PLOD2: variants seen among roughly 807,000 people sequenced by gnomAD.
PLOD2 encodes the protein lysine hydroxylase 2.
A neutral mutation model predicts 101.0 loss-of-function variants in PLOD2; 65 were observed. That is an observed-to-expected ratio of 0.64 (90% CI 0.53 to 0.79). The LOEUF is 0.79. Ranked by LOEUF, PLOD2 falls within the 30% of genes least tolerant of loss-of-function variation. The probability of loss-of-function intolerance (pLI) is 0.00; values close to 1 mark genes in which losing one functional copy is unlikely to be tolerated. For synonymous variants in PLOD2, 314 were observed against 302.9 expected, an observed-to-expected ratio of 1.04 and a Z score of -0.38; for missense variants, 909 against 914.6, an observed-to-expected ratio of 0.99 and a Z score of 0.08.
At chr3:146,097,581 A>G (rs1401838488) in intron 7 of PLOD2, among the ~76,000 whole-genome samples, 21 of 114,450 alleles carry the variant, frequency 1.8e-4, no homozygotes, top group Non-Finnish European at 3.3e-4. Context: ...GTGCTTTGTT[A>G]AACAGATGCT....
At chr3:146,074,042 A>AAAC (rs1206677411) in intron 15 of PLOD2, among the ~76,000 whole-genome samples, 131 of 151,610 alleles carry the variant, frequency 8.6e-4, no homozygotes, top group African/African-American at 3.0e-3. Flanking sequence ...TTAGGGCTCT[A>AAAC]TATTAAAAAA....
At chr3:146,117,950 G>C (rs1413953475) in intron 3 of PLOD2, among the ~76,000 whole-genome samples, 3 of 151,856 alleles carry the variant, frequency 2.0e-5, no homozygotes, top group African/African-American at 7.3e-5. Context: ...GGAGGTGGGG[G>C]ATGGTGATGC....
At chr3:146,104,638 T>A (rs1262723010) in intron 5 of PLOD2, among the ~76,000 whole-genome samples, 1 of 152,138 alleles carries the variant, frequency 6.6e-6, no homozygotes, top group African/African-American at 2.4e-5. Context: ...TTATTAAATA[T>A]CAACTTATAT....
At chr3:146,113,425 G>A (rs1363570181) in intron 3 of PLOD2, among the ~76,000 whole-genome samples, 1 of 152,186 alleles carries the variant, frequency 6.6e-6, no homozygotes, top group Non-Finnish European at 1.5e-5. Context: ...ATGCACACAG[G>A]TGTTGCGGGA....
Position 146,102,804 on chromosome 3 carries a change from G to A in PLOD2, c.728C>T (p.Thr243Ile). Residue 243 changes from threonine to isoleucine, a missense_variant, in exon 7 of 20, where the codon ACA becomes ATA. Physicochemically the swap from Thr to Ile is moderately conservative, Grantham distance 89. Transcript: ENST00000282903. ...TGCCACTGGTAATGTTTCATAAAATGTATTCTTAGCTCTGGCTTTGCCATT... is the reference window on the plus strand; with the variant it reads ...TGCCACTGGTAATGTTTCATAAAATATATTCTTAGCTCTGGCTTTGCCATT... ...FENGKARAKN[T>I]FYETLPVAIN... is the part of the protein sequence containing the mutation. 1.2e-6 allele frequency: 2 copies of A among 1,606,742 alleles called. No homozygotes were observed. The highest frequency in any genetic ancestry group is 2.7e-5 in the African/African-American group (2 of 74,882).
At chr3:146,094,873 A>G (rs988078016) in intron 7 of PLOD2, among the ~76,000 whole-genome samples, 1 of 152,192 alleles carries the variant, frequency 6.6e-6, no homozygotes, top group African/African-American at 2.4e-5. Context: ...CAAAACAGAT[A>G]TATAGACCAA....
chr3:146,097,384 A>C (rs1468467909), intron 7 of PLOD2, among the ~76,000 whole-genome samples: 4 of 133,948 alleles, frequency 3.0e-5, no homozygotes, highest in Non-Finnish European at 6.4e-5. Flanking sequence ...AAAAATTGAG[A>C]AATCTGATGG....
chr3:146,105,937 C>T (rs9828112), intron 5 of PLOD2, among the ~76,000 whole-genome samples: 76,637 of 152,046 alleles, frequency 0.5, 19,391 homozygotes, highest in East Asian at 0.56. Context: ...GGTGTAGCTT[C>T]TGAGAAAACA....
intron 2 of PLOD2, chr3:146,123,166 C>A (rs1013334303): frequency 7.6e-5 from 17 of 224,750 alleles, no homozygotes; most frequent in African/African-American, 3.5e-4. Context: ...TAAAAACTAC[C>A]TTTTTAATAT....
chr3:146,089,537 C>T (rs1477460559), intron 8 of PLOD2, among the ~76,000 whole-genome samples: 1 of 151,508 alleles, frequency 6.6e-6, no homozygotes, highest in African/African-American at 2.4e-5. Context: ...GTCTTAAAGT[C>T]TGAACAAAAG....
chr3:146,122,410 C>T (rs554652176), intron 2 of PLOD2, among the ~76,000 whole-genome samples: 1 of 152,308 alleles, frequency 6.6e-6, no homozygotes, highest in African/African-American at 2.4e-5. Flanking sequence ...TGAGAGTCTA[C>T]TCTGTGCAAT....
intron 7 of PLOD2, among the ~76,000 whole-genome samples, chr3:146,094,293 T>C (rs1485005147): frequency 6.6e-6 from 1 of 152,258 alleles, no homozygotes; most frequent in Non-Finnish European, 1.5e-5. Flanking sequence ...CTACAGCTTT[T>C]ATGCACAAAA....
At chr3:146,073,216 G>T in intron 16 of PLOD2, 71 bp downstream of exon 16, 1 of 620,664 alleles carries the variant, frequency 1.6e-6, no homozygotes, top group East Asian at 2.9e-5. Flanking sequence ...TTCTGTGAAA[G>T]TAGTATTAAT....
intron 2 of PLOD2, among the ~76,000 whole-genome samples, chr3:146,122,675 A>C (rs540276141): frequency 6.6e-6 from 1 of 152,248 alleles, no homozygotes; most frequent in African/African-American, 2.4e-5. Context: ...AGAGAGCAAA[A>C]GGATCATAAA....
chr3:146,071,430 A>G lies in PLOD2; in HGVS notation c.1849-7T>C. 1 of 1,610,948 alleles carries G rather than the reference A, an allele frequency of 6.2e-7. No individual in the cohort carries two copies. The highest frequency in any genetic ancestry group is 8.5e-7 in the Non-Finnish European group (1 of 1,177,756). On this transcript the variant is annotated splice_region_variant and splice_polypyrimidine_tract_variant and intron_variant, in intron 17 of 19. Coordinates refer to ENST00000282903, the MANE Select transcript of PLOD2 (RefSeq NM_182943.3). ...CACCAGATATACGGCTATCCTAGAAACAACATTAATGACATAATAAGCTGT... is the reference window on the plus strand; with the variant it reads ...CACCAGATATACGGCTATCCTAGAAGCAACATTAATGACATAATAAGCTGT...
At chr3:146,093,313 T>A (rs1015842481) in intron 7 of PLOD2, among the ~76,000 whole-genome samples, 1 of 152,182 alleles carries the variant, frequency 6.6e-6, no homozygotes, top group Admixed American at 6.6e-5. Context: ...TTAGAAGACA[T>A]GGACAAGTAA....
chr3:146,098,679 T>C (rs1315654578), intron 7 of PLOD2, among the ~76,000 whole-genome samples: 2 of 152,136 alleles, frequency 1.3e-5, no homozygotes, highest in East Asian at 1.9e-4. Context: ...TTTTATACTT[T>C]AGTATCATCA....
intron 1 of PLOD2, among the ~76,000 whole-genome samples, chr3:146,139,079 G>A (rs1396688470): frequency 6.6e-6 from 1 of 152,108 alleles, no homozygotes; most frequent in Non-Finnish European, 1.5e-5. Flanking sequence ...GTTGAAGAGT[G>A]TTCTGAACAG....
intron 4 of PLOD2, among the ~76,000 whole-genome samples, chr3:146,107,566 G>GA (rs1431054338): frequency 1.4e-5 from 2 of 145,208 alleles, no homozygotes; most frequent in Admixed American, 1.4e-4. Context: ...AAGAAAAAAT[G>GA]AAAACATGAC....
Sources: allele counts gnomAD v4.1 joint callset (sites outside exome capture counted in the v4.1 genomes callset), GRCh38; gene constraint gnomAD v4.1.1; transcripts MANE v1.5; gene names NCBI Gene and HGNC (gene_info 2026-07-23, HGNC 2026-07-21).